TSNAX: variants seen among roughly 807,000 people sequenced by gnomAD.
TSNAX encodes translin-associated protein X.
In TSNAX, 12 loss-of-function variants were observed where a neutral mutation model predicts 33.0. The ratio of observed to expected loss-of-function variants is 0.36; its 90% CI spans 0.23 to 0.59. TSNAX has a LOEUF of 0.59. TSNAX is among the 20% of genes least tolerant of loss of function. The probability of loss-of-function intolerance (pLI) is 0.74; values close to 1 mark genes in which losing one functional copy is unlikely to be tolerated. For synonymous variants in TSNAX, 110 were observed against 117.2 expected (o/e 0.94, Z 0.40); for missense variants, 267 against 341.3 (o/e 0.78, Z 1.72).
At chr1:231,560,540 G>A (rs1161351048) in intron 4 of TSNAX, among the ~76,000 whole-genome samples, 7 of 148,646 alleles carry the variant, frequency 4.7e-5, no homozygotes, top group Non-Finnish European at 7.4e-5. Context: ...TCAGCCTCCC[G>A]AGTAGCTGGG....
At chr1:231,556,424 CT>C (rs1660699037) in intron 4 of TSNAX, among the ~76,000 whole-genome samples, 1 of 152,190 alleles carries the variant, frequency 6.6e-6, no homozygotes, top group South Asian at 2.1e-4. Flanking sequence ...CTATTTGTTT[CT>C]GCAACAAGGC....
chr1:231,532,185 C>CACACACACACACACACACAG (rs1356252515), intron 2 of TSNAX, among the ~76,000 whole-genome samples: 7 of 116,138 alleles, frequency 6.0e-5, no homozygotes, highest in South Asian at 2.5e-4. Context: ...CACACACACA[C>CACACACACACACACACACAG]AGTTTTGGTT....
chr1:231,528,724 TC>T lies in TSNAX; in HGVS notation c.-84del. ...CAAAGCGTTTTTCTGCAGGCTGTTT[TC>T]CCAGGTTCCCTCGGCCTGTACCTCG... On this transcript the variant is annotated 5_prime_UTR_variant, in exon 1 of 6. Coordinates refer to ENST00000366639, the MANE Select transcript of TSNAX (RefSeq NM_005999.3). 2 of 1,544,330 alleles carry T rather than the reference TC, an allele frequency of 1.3e-6. No individual in the cohort carries two copies. The highest frequency in any genetic ancestry group is 1.8e-6 in the Non-Finnish European group (2 of 1,120,258).
chr1:231,540,970 T>C (rs571484388), intron 3 of TSNAX, among the ~76,000 whole-genome samples: 1 of 152,324 alleles, frequency 6.6e-6, no homozygotes, highest in African/African-American at 2.4e-5. Context: ...TTTTCATCCT[T>C]TTATTTTTAA....
chr1:231,536,321 GGTAAAACA>G (rs762522893), intron 2 of TSNAX: 2 of 151,806 alleles, frequency 1.3e-5, no homozygotes, highest in Non-Finnish European at 2.9e-5. Flanking sequence ...ATTACTACAT[GGTAAAACA>G]GTAAATTTGA....
intron 4 of TSNAX, 150 bp downstream of exon 4, chr1:231,542,761 C>T: frequency 1.1e-6 from 1 of 902,224 alleles, no homozygotes; most frequent in Non-Finnish European, 1.7e-6. Context: ...TAGAAGTAAT[C>T]CAAAGGCAAG....
rs567088132 is a variant in TSNAX at position 231,561,020 on chromosome 1, A to G, written c.368-108A>G. 130 of 1,124,500 alleles carry G rather than the reference A, an allele frequency of 1.2e-4. 8 individuals carry two copies. The South Asian group carries it at 1.3e-3, about 11-fold the overall frequency. 69.7% of individuals were successfully genotyped at this position (1,124,500 alleles called of 1,614,324 possible). A position where few individuals can be genotyped will look rare whatever the true frequency, so the allele number is the denominator to read the frequency against. On this transcript the variant is annotated intron_variant, in intron 4 of 5. Coordinates refer to ENST00000366639, the MANE Select transcript of TSNAX (RefSeq NM_005999.3). Reference sequence around the variant, plus strand: ...AGTACTGGCATTGTAGTAGGCATCCATTAAGCTTTTTTTTGAACTAGATGA... The same window carrying G: ...AGTACTGGCATTGTAGTAGGCATCCGTTAAGCTTTTTTTTGAACTAGATGA...
chr1:231,554,164 A>G (rs1026539596), intron 4 of TSNAX, among the ~76,000 whole-genome samples: 1 of 152,096 alleles, frequency 6.6e-6, no homozygotes, highest in African/African-American at 2.4e-5. Flanking sequence ...CTCTTATTCC[A>G]TATTCTCTCT....
At chr1:231,548,432 A>G (rs1660091255) in intron 4 of TSNAX, among the ~76,000 whole-genome samples, 1 of 152,158 alleles carries the variant, frequency 6.6e-6, no homozygotes, top group South Asian at 2.1e-4. Context: ...CTGTTTTGCC[A>G]TTATCATATT....
chr1:231,530,733 G>A (rs1368206178), intron 2 of TSNAX, among the ~76,000 whole-genome samples: 2 of 148,856 alleles, frequency 1.3e-5, no homozygotes, highest in Non-Finnish European at 3.0e-5. Flanking sequence ...AAAAAAGTAC[G>A]AAAAATTAGT....
intron 4 of TSNAX, among the ~76,000 whole-genome samples, chr1:231,560,265 C>T (rs942330164): frequency 4.9e-4 from 74 of 152,074 alleles, no homozygotes; most frequent in Middle Eastern, 3.4e-3. Flanking sequence ...AGGCGTGAGC[C>T]ATCGTGAACG....
At chr1:231,559,449 C>A (rs1445029795) in intron 4 of TSNAX, among the ~76,000 whole-genome samples, 1 of 152,062 alleles carries the variant, frequency 6.6e-6, no homozygotes, top group Non-Finnish European at 1.5e-5. Flanking sequence ...CTGCCTCAGC[C>A]TCCAAAGTAG....
intron 3 of TSNAX, among the ~76,000 whole-genome samples, chr1:231,539,763 G>A (rs1436233548): frequency 6.6e-6 from 1 of 152,152 alleles, no homozygotes; most frequent in African/African-American, 2.4e-5. Flanking sequence ...TTTTATCATA[G>A]TTGTGATCAT....
At chr1:231,559,511 G>T (rs1660904457) in intron 4 of TSNAX, among the ~76,000 whole-genome samples, 1 of 152,078 alleles carries the variant, frequency 6.6e-6, no homozygotes, top group African/African-American at 2.4e-5. Context: ...TGTGTTTTTA[G>T]TAGAGACGGG....
intron 4 of TSNAX, among the ~76,000 whole-genome samples, chr1:231,560,891 C>G (rs111658272): frequency 0.02 from 3,067 of 152,208 alleles, 100 homozygotes; most frequent in African/African-American, 0.07. Context: ...ATCTCCTGAC[C>G]TGAAGTGATC....
chr1:231,537,200 A>G lies in TSNAX; in HGVS notation c.122-13A>G, dbSNP rs1368684281. On this transcript the variant is annotated splice_polypyrimidine_tract_variant and intron_variant, in intron 2 of 5. Transcript: ENST00000366639. ...ATAGAATATACATGCTTATGATCAT[A>G]ATGTGTTTTTAGCATTTCAGCAGGA... is the stretch of plus-strand genomic sequence containing the variant. 1 of 1,567,860 alleles carries G rather than the reference A, an allele frequency of 6.4e-7. No individual in the cohort carries two copies. The highest frequency in any genetic ancestry group is 1.4e-5 in the African/African-American group (1 of 73,496).
intron 5 of TSNAX, 130 bp downstream of exon 5, chr1:231,561,385 C>T (rs915629810): frequency 5.4e-6 from 4 of 746,318 alleles, no homozygotes; most frequent in African/African-American, 3.7e-5. Context: ...TTTGTAGAGT[C>T]TCAACTAGGA....
At chr1:231,529,425 C>A in intron 2 of TSNAX, 66 bp downstream of exon 2, 1 of 1,486,540 alleles carries the variant, frequency 6.7e-7, no homozygotes, top group Non-Finnish European at 9.3e-7. Context: ...TGGTTATGCG[C>A]AAGAAAACAG....
Position 231,530,251 on chromosome 1 carries a change from T to C in TSNAX, c.121+892T>C, listed in dbSNP as rs534215115. 2.0e-5 allele frequency among the ~76,000 whole-genome samples: 3 copies of C among 152,350 alleles called. No individual in the cohort carries two copies. The South Asian group carries it at 6.2e-4, about 32-fold the overall frequency. On this transcript the variant is annotated intron_variant, in intron 2 of 5. Transcript: ENST00000366639. ...AGGCAGTTTTAAAAACTGTCTCACA[T>C]TGAAGAGGAAGGAAGTTATGTCCCA...
Sources: gnomAD v4.1 joint callset for allele counts (sites outside exome capture counted in the v4.1 genomes callset) on GRCh38, gnomAD v4.1.1 for gene constraint, MANE v1.5 for transcripts, NCBI Gene and HGNC (gene_info 2026-07-23, HGNC 2026-07-21) for gene names.